Variants in ADAM22 observed in about 807,000 individuals in gnomAD.
ADAM22 encodes ADAM metallopeptidase domain 22, also known as disintegrin and metalloproteinase domain-containing protein 22.
In ADAM22, 65 loss-of-function variants were observed where a neutral mutation model predicts 144.6. That is an observed-to-expected ratio of 0.45 (90% CI 0.37 to 0.55). The LOEUF is 0.55. ADAM22 is among the 20% of genes least tolerant of loss of function. The pLI, the probability that ADAM22 is intolerant of heterozygous loss-of-function variation, is 0.00. For synonymous variants in ADAM22, 391 were observed against 412.6 expected, an observed-to-expected ratio of 0.95 and a Z score of 0.63; for missense variants, 974 against 1,184.9, an observed-to-expected ratio of 0.82 and a Z score of 2.61.
intron 29 of ADAM22, chr7:88,184,352 C>CATA: frequency 2.3e-6 from 1 of 442,156 alleles, no homozygotes. Flanking sequence ...CATCCCAAGG[C>CATA]ATAAGCCCAG....
intron 30 of ADAM22, among the ~76,000 whole-genome samples, chr7:88,190,731 T>C (rs1006097001): frequency 6.6e-6 from 1 of 152,074 alleles, no homozygotes; most frequent in African/African-American, 2.4e-5. Flanking sequence ...TCCTTAGACA[T>C]TTGTGAGAAA....
At chr7:88,048,651 A>G (rs1238128815) in intron 3 of ADAM22, among the ~76,000 whole-genome samples, 1 of 152,180 alleles carries the variant, frequency 6.6e-6, no homozygotes, top group East Asian at 1.9e-4. Flanking sequence ...TTTCTACTAG[A>G]ATGTTCACCT....
intron 4 of ADAM22, among the ~76,000 whole-genome samples, chr7:88,085,526 T>C (rs1213502131): frequency 6.6e-6 from 1 of 152,104 alleles, no homozygotes; most frequent in Non-Finnish European, 1.5e-5. Flanking sequence ...CCAGCCTGGG[T>C]AACATAGCAA....
At chr7:87,952,567 C>G (rs368895782) in intron 2 of ADAM22, among the ~76,000 whole-genome samples, 8 of 151,882 alleles carry the variant, frequency 5.3e-5, no homozygotes, top group South Asian at 2.1e-4. Context: ...AGGATTTTTG[C>G]ATCAATGTTC....
intron 3 of ADAM22, among the ~76,000 whole-genome samples, chr7:88,054,585 C>T (rs1035095416): frequency 3.5e-5 from 3 of 86,630 alleles, no homozygotes; most frequent in Admixed American, 3.3e-4. Context: ...ATTAGGTGCC[C>T]TCCTGTGTGT....
chr7:87,966,144 A>ATAG lies in ADAM22; in HGVS notation c.247-12190_247-12188dup, dbSNP rs745554352. 3.3e-5 allele frequency among the ~76,000 whole-genome samples: 5 copies of ATAG among 152,274 alleles called. No homozygotes were observed. The East Asian group carries it at 7.7e-4, about 24-fold the overall frequency. On this transcript the variant is annotated intron_variant, in intron 2 of 31. Coordinates refer to ENST00000413139, the MANE Select transcript of ADAM22 (RefSeq NM_001324418.2). Reference sequence around the variant, plus strand: ...TCTACTCTAATGAAATATCAAGCCAATAGTGGGGCTGGGAAGAGCTCTTGT... The same window carrying ATAG: ...TCTACTCTAATGAAATATCAAGCCAATAGTAGTGGGGCTGGGAAGAGCTCTTGT...
intron 4 of ADAM22, among the ~76,000 whole-genome samples, chr7:88,097,654 C>A (rs1821770841): frequency 6.8e-6 from 1 of 147,634 alleles, no homozygotes; most frequent in Non-Finnish European, 1.5e-5. Flanking sequence ...CAACAAACAT[C>A]TTTTTCAGAT....
intron 31 of ADAM22, among the ~76,000 whole-genome samples, chr7:88,193,834 T>C (rs1465670936): frequency 6.6e-6 from 1 of 152,272 alleles, no homozygotes; most frequent in East Asian, 1.9e-4. Flanking sequence ...GGAATCTCTT[T>C]GATCCCAAAC....
chr7:88,084,307 A>G (rs1239012026), intron 4 of ADAM22, among the ~76,000 whole-genome samples: 1 of 152,128 alleles, frequency 6.6e-6, no homozygotes, highest in Non-Finnish European at 1.5e-5. Flanking sequence ...TGAGATTTGC[A>G]GTTTCTTTGT....
At chr7:87,953,648 T>C (rs1845821219) in intron 2 of ADAM22, among the ~76,000 whole-genome samples, 2 of 152,300 alleles carry the variant, frequency 1.3e-5, no homozygotes, top group African/African-American at 4.8e-5. Flanking sequence ...TCTGTAGCTG[T>C]CTATTAGGTC....
intron 3 of ADAM22, among the ~76,000 whole-genome samples, chr7:87,979,146 T>C (rs1852664866): frequency 6.6e-6 from 1 of 152,156 alleles, no homozygotes; most frequent in Non-Finnish European, 1.5e-5. Flanking sequence ...GCTATAGTTT[T>C]CTGGAAGCAT....
intron 26 of ADAM22, among the ~76,000 whole-genome samples, chr7:88,172,443 C>A (rs537512647): frequency 6.6e-6 from 1 of 151,986 alleles, no homozygotes; most frequent in South Asian, 2.1e-4. Context: ...GGTATTTATG[C>A]AGATTCCTAT....
At chr7:88,141,471 T>C (rs1014661569) in intron 14 of ADAM22, among the ~76,000 whole-genome samples, 1 of 152,190 alleles carries the variant, frequency 6.6e-6, no homozygotes, top group Non-Finnish European at 1.5e-5. Context: ...GAAGTAGGGA[T>C]ATAAATGGAC....
intron 30 of ADAM22, among the ~76,000 whole-genome samples, chr7:88,192,048 T>C (rs1429801844): frequency 1.3e-5 from 2 of 152,228 alleles, no homozygotes; most frequent in Non-Finnish European, 2.9e-5. Flanking sequence ...TGCTATTGAA[T>C]GCAGTGTAGG....
intron 14 of ADAM22, among the ~76,000 whole-genome samples, chr7:88,139,836 T>C (rs975410086): frequency 5.3e-5 from 8 of 152,148 alleles, no homozygotes; most frequent in Non-Finnish European, 1.2e-4. Context: ...TCGGACTGGA[T>C]GCCAGAGCTC....
intron 2 of ADAM22, among the ~76,000 whole-genome samples, chr7:87,958,955 G>A (rs1450545019): frequency 6.6e-6 from 1 of 151,744 alleles, no homozygotes; most frequent in Non-Finnish European, 1.5e-5. Flanking sequence ...CATTCTCATG[G>A]TATCTTTGGT....
chr7:88,167,474 GTC>G (rs1353512635), intron 24 of ADAM22, among the ~76,000 whole-genome samples: 1 of 152,120 alleles, frequency 6.6e-6, no homozygotes, highest in Non-Finnish European at 1.5e-5. Flanking sequence ...CTGCCTGCCT[GTC>G]TCTCTGCCAG....
intron 3 of ADAM22, among the ~76,000 whole-genome samples, chr7:87,988,223 A>C (rs1411204897): frequency 6.6e-6 from 1 of 152,190 alleles, no homozygotes; most frequent in African/African-American, 2.4e-5. Flanking sequence ...AGAATCTACA[A>C]GCAGCAAGGC....
chr7:88,145,280 G>T, intron 16 of ADAM22, 84 bp downstream of exon 16: 1 of 1,511,512 alleles, frequency 6.6e-7, no homozygotes, highest in East Asian at 2.3e-5. Context: ...TGGAGCAAAT[G>T]TCATGCCTGG....
Sources: allele counts gnomAD v4.1 joint callset (sites outside exome capture counted in the v4.1 genomes callset), GRCh38; gene constraint gnomAD v4.1.1; transcripts MANE v1.5; gene names NCBI Gene and HGNC (gene_info 2026-07-23, HGNC 2026-07-21).